NUP93: variants seen among roughly 807,000 people sequenced by gnomAD.
NUP93 encodes nucleoporin 93, also known as nuclear pore complex protein Nup93.
NUP93 carries 55 observed loss-of-function variants against 107.8 expected under a neutral mutation model. The observed-to-expected ratio is 0.51, with a 90% CI of 0.41 to 0.64. The LOEUF (loss-of-function observed/expected upper bound fraction) is 0.64, where lower values mean the gene tolerates loss of function less well. NUP93 is among the 30% of genes least tolerant of loss of function. The pLI is 0.00. For synonymous variants in NUP93, 390 were observed against 397.5 expected (o/e 0.98, Z 0.22); for missense variants, 937 against 1,044.7 (o/e 0.90, Z 1.42).
intron 6 of NUP93, 24 bp downstream of exon 6, chr16:56,818,762 T>G (rs1963487065): frequency 2.5e-6 from 4 of 1,602,508 alleles, no homozygotes; most frequent in Non-Finnish European, 3.4e-6. Flanking sequence ...TAAGGGGGAT[T>G]AAGCCAGGAA....
intron 6 of NUP93, among the ~76,000 whole-genome samples, chr16:56,820,772 A>G (rs1963526665): frequency 6.6e-6 from 1 of 152,222 alleles, no homozygotes; most frequent in Non-Finnish European, 1.5e-5. Flanking sequence ...AATCTTCCAC[A>G]AGAAGATTTA....
At chr16:56,784,325 A>T (rs1962579808) in intron 3 of NUP93, among the ~76,000 whole-genome samples, 1 of 152,148 alleles carries the variant, frequency 6.6e-6, no homozygotes, top group Non-Finnish European at 1.5e-5. Context: ...CGGGTTAATG[A>T]CCTATAATAG....
chr16:56,818,165 C>T (rs945130320), intron 5 of NUP93, among the ~76,000 whole-genome samples: 3 of 152,124 alleles, frequency 2.0e-5, no homozygotes, highest in Non-Finnish European at 2.9e-5. Flanking sequence ...CTTCAGATAA[C>T]AGAAAAGTAA....
intron 1 of NUP93, among the ~76,000 whole-genome samples, chr16:56,740,294 T>G (rs1219696508): frequency 7.0e-5 from 10 of 143,618 alleles, no homozygotes; most frequent in Admixed American, 6.9e-4. Context: ...GCAGAGGGTC[T>G]CCTCACTTCT....
chr16:56,812,767 G>A (rs1422231501), intron 5 of NUP93, among the ~76,000 whole-genome samples: 3 of 152,222 alleles, frequency 2.0e-5, no homozygotes, highest in Non-Finnish European at 4.4e-5. Context: ...GGAATTGAAA[G>A]ATTGTTACTA....
intron 3 of NUP93, among the ~76,000 whole-genome samples, chr16:56,796,889 T>A (rs1421904223): frequency 6.6e-6 from 1 of 152,114 alleles, no homozygotes; most frequent in Admixed American, 6.5e-5. Flanking sequence ...GGATAATCGC[T>A]TGAACCCAGG....
chr16:56,747,992 G>A, intron 1 of NUP93: 1 of 298,548 alleles, frequency 3.3e-6, no homozygotes, highest in Non-Finnish European at 6.3e-6. Context: ...TCTGATGGCA[G>A]AAATCAATCT....
At chr16:56,778,641 A>T (rs1962459247) in intron 3 of NUP93, among the ~76,000 whole-genome samples, 1 of 152,156 alleles carries the variant, frequency 6.6e-6, no homozygotes, top group South Asian at 2.1e-4. Flanking sequence ...CTTAAGAAGG[A>T]TGTTCAGAAA....
intron 3 of NUP93, chr16:56,783,383 C>A: frequency 1.5e-6 from 1 of 648,614 alleles, no homozygotes; most frequent in Non-Finnish European, 1.9e-6. Flanking sequence ...TGTGAGAATT[C>A]GGCTCCTCTT....
chr16:56,768,011 A>T (rs1213902220), intron 3 of NUP93, among the ~76,000 whole-genome samples: 1 of 152,232 alleles, frequency 6.6e-6, no homozygotes, highest in Non-Finnish European at 1.5e-5. Context: ...GGAAAAAAAG[A>T]CATGCAAAGT....
In NUP93 at chr16:56,839,082, A is replaced by G; in HGVS notation, c.2136+13A>G. On this transcript the variant is annotated intron_variant, in intron 19 of 21. Coordinates refer to ENST00000308159, the MANE Select transcript of NUP93 (RefSeq NM_014669.5). ...TAGAGCTTTTGATGTAAGTTTCAGG[A>G]AAGGTGTTTGAAGTGCAGGTTAATG... 1 of 1,592,890 alleles carries G rather than the reference A, an allele frequency of 6.3e-7. No homozygotes were observed. Among genetic ancestry groups the G allele is most frequent in the Non-Finnish European group, 8.6e-7 (1 of 1,161,296 alleles).
chr16:56,769,209 A>C (rs138853708), intron 3 of NUP93, among the ~76,000 whole-genome samples: 1 of 152,210 alleles, frequency 6.6e-6, no homozygotes, highest in South Asian at 2.1e-4. Context: ...AGAAGGAGGA[A>C]AGTTAGTGAA....
intron 8 of NUP93, among the ~76,000 whole-genome samples, chr16:56,824,279 A>G (rs1444148920): frequency 2.0e-5 from 3 of 151,724 alleles, no homozygotes; most frequent in African/African-American, 2.4e-5. Context: ...TTTTGTTCTG[A>G]CTCTACTTGG....
At chr16:56,780,864 A>G (rs1452947019) in intron 3 of NUP93, among the ~76,000 whole-genome samples, 5 of 152,182 alleles carry the variant, frequency 3.3e-5, no homozygotes, top group African/African-American at 4.8e-5. Flanking sequence ...TGCAGTCTGC[A>G]CCATGATGAT....
At chr16:56,733,651 A>G (rs566546328) in intron 1 of NUP93, among the ~76,000 whole-genome samples, 1 of 152,054 alleles carries the variant, frequency 6.6e-6, no homozygotes, top group East Asian at 1.9e-4. Flanking sequence ...AGGTGTAGGT[A>G]TTAGGTGGAC....
chr16:56,841,957 T>G, intron 21 of NUP93, 124 bp downstream of exon 21: 2 of 1,184,114 alleles, frequency 1.7e-6, no homozygotes, highest in Non-Finnish European at 1.2e-6. Flanking sequence ...GGCAGCTGGA[T>G]AAATCTCGTG....
At chr16:56,745,525 G>A (rs1360015865) in intron 1 of NUP93, among the ~76,000 whole-genome samples, 1 of 152,208 alleles carries the variant, frequency 6.6e-6, no homozygotes, top group African/African-American at 2.4e-5. Flanking sequence ...TGCTGAGAGA[G>A]TCTAGGGAGG....
intron 6 of NUP93, among the ~76,000 whole-genome samples, chr16:56,819,047 G>T (rs1384740763): frequency 6.6e-6 from 1 of 152,190 alleles, no homozygotes; most frequent in African/African-American, 2.4e-5. Flanking sequence ...AGCAAATGGA[G>T]TTCCATATTA....
chr16:56,747,795 G>A (rs1385432273), intron 1 of NUP93: 1 of 153,834 alleles, frequency 6.5e-6, no homozygotes, highest in African/African-American at 2.4e-5. Context: ...TTGACATAAG[G>A]TCTTATAAAT....
Sources: allele counts gnomAD v4.1 joint callset (sites outside exome capture counted in the v4.1 genomes callset), GRCh38; gene constraint gnomAD v4.1.1; transcripts MANE v1.5; gene names NCBI Gene and HGNC (gene_info 2026-07-23, HGNC 2026-07-21).